PAM: variants seen among roughly 807,000 people sequenced by gnomAD.
The protein encoded by PAM is peptidyl-glycine alpha-amidating monooxygenase.
PAM carries 72 observed loss-of-function variants against 122.1 expected under a neutral mutation model. The observed-to-expected ratio is 0.59, with a 90% CI of 0.49 to 0.72. The LOEUF (loss-of-function observed/expected upper bound fraction) is 0.72, where lower values mean the gene tolerates loss of function less well. Ranked by LOEUF, PAM falls within the 30% of genes least tolerant of loss-of-function variation. PAM has a pLI of 0.00. For missense variants in PAM, 1,106 were observed against 1,183.7 expected (o/e 0.93, Z 0.96); for synonymous variants, 389 against 404.4 (o/e 0.96, Z 0.46).
At chr5:102,815,659 G>A (rs1168707009) in intron 1 of PAM, among the ~76,000 whole-genome samples, 1 of 152,112 alleles carries the variant, frequency 6.6e-6, no homozygotes. Context: ...TAAAGAGGAA[G>A]TTGTTCTTAT....
chr5:102,809,093 C>A (rs181436351), intron 1 of PAM, among the ~76,000 whole-genome samples: 6 of 152,300 alleles, frequency 3.9e-5, no homozygotes, highest in African/African-American at 1.4e-4. Context: ...TAATGAGACA[C>A]ATGACCGGTT....
At chr5:102,997,622 A>T (rs1269108511) in intron 16 of PAM, among the ~76,000 whole-genome samples, 4 of 152,072 alleles carry the variant, frequency 2.6e-5, no homozygotes, top group Admixed American at 6.6e-5. Context: ...TTCATTTGCT[A>T]TGTCAAAATT....
chr5:102,988,987 G>C (rs1582615312), intron 15 of PAM, among the ~76,000 whole-genome samples: 1 of 152,108 alleles, frequency 6.6e-6, no homozygotes, highest in African/African-American at 2.4e-5. Context: ...GTCCGTCTTT[G>C]AGGATTTCAC....
chr5:102,929,105 T>C (rs1203141106), intron 7 of PAM, among the ~76,000 whole-genome samples: 1 of 152,150 alleles, frequency 6.6e-6, no homozygotes, highest in Admixed American at 6.5e-5. Flanking sequence ...TCCTTTAAAA[T>C]GTTATAACAT....
At chr5:102,764,414 G>T (rs1753281411) in intron 1 of PAM, among the ~76,000 whole-genome samples, 1 of 152,086 alleles carries the variant, frequency 6.6e-6, no homozygotes, top group South Asian at 2.1e-4. Context: ...TCTTGAAGAG[G>T]TAGCATTTGA....
intron 1 of PAM, among the ~76,000 whole-genome samples, chr5:102,810,946 G>A (rs1275589994): frequency 1.3e-5 from 2 of 152,238 alleles, no homozygotes; most frequent in South Asian, 4.1e-4. Context: ...AGCTTGGGTT[G>A]TGAGGGACTG....
At chr5:102,870,469 G>T (rs1581156330) in intron 3 of PAM, among the ~76,000 whole-genome samples, 1 of 152,102 alleles carries the variant, frequency 6.6e-6, no homozygotes, top group African/African-American at 2.4e-5. Context: ...GTCATGTCAG[G>T]CCTCTGAGTT....
chr5:102,786,065 A>G (rs1760442977), intron 1 of PAM, among the ~76,000 whole-genome samples: 2 of 152,222 alleles, frequency 1.3e-5, no homozygotes, highest in African/African-American at 4.8e-5. Flanking sequence ...CAAAGTTTGC[A>G]TTTTGTAAAT....
chr5:102,815,221 G>A (rs1214034539), intron 1 of PAM, among the ~76,000 whole-genome samples: 1 of 152,054 alleles, frequency 6.6e-6, no homozygotes, highest in Non-Finnish European at 1.5e-5. Flanking sequence ...AAAGGAGATA[G>A]TGGGCAGAAG....
At chr5:102,855,072 GT>G (rs1328450365) in intron 1 of PAM, among the ~76,000 whole-genome samples, 2 of 151,950 alleles carry the variant, frequency 1.3e-5, no homozygotes, top group African/African-American at 4.8e-5. Flanking sequence ...ACATTAAAAT[GT>G]TTTTTTAAGC....
chr5:103,000,167 C>T (rs891346235), intron 16 of PAM, among the ~76,000 whole-genome samples: 3 of 152,206 alleles, frequency 2.0e-5, no homozygotes, highest in Non-Finnish European at 4.4e-5. Flanking sequence ...GAATGCTTTG[C>T]TGCTTAGACA....
chr5:102,959,907 A>G lies in PAM; in HGVS notation c.938A>G (p.Tyr313Cys). Residue 313 changes from tyrosine to cysteine, a missense_variant, in exon 13 of 26, where the codon TAC (tyrosine) becomes TGC (cysteine). Tyr to Cys is a radical substitution (Grantham distance 194). Coordinates refer to ENST00000438793, the MANE Select transcript of PAM (RefSeq NM_001177306.2). ...TCTAGTGATGAAATGTGCAACTTAT[A>G]CATTATGTATTACATGGAAGCCAAG... is the stretch of plus-strand genomic sequence containing the variant. ...GTSSDEMCNL[Y>C]IMYYMEAKHA... 1 of 1,612,506 alleles carries G rather than the reference A, an allele frequency of 6.2e-7. No individual in the cohort carries two copies. Among genetic ancestry groups the G allele is most frequent in the African/African-American group, 1.3e-5 (1 of 74,950 alleles).
At chr5:103,000,756 A>T (rs1166571498) in intron 16 of PAM, among the ~76,000 whole-genome samples, 2 of 152,114 alleles carry the variant, frequency 1.3e-5, no homozygotes, top group African/African-American at 4.8e-5. Flanking sequence ...AAGGGGGAAA[A>T]GCTCCTTATA....
chr5:102,899,843 C>T (rs1797188397), intron 3 of PAM, among the ~76,000 whole-genome samples: 1 of 151,602 alleles, frequency 6.6e-6, no homozygotes, highest in African/African-American at 2.4e-5. Flanking sequence ...GGGAAAGGCA[C>T]TGAAGGATGT....
chr5:102,888,062 A>G (rs1271693242), intron 3 of PAM, among the ~76,000 whole-genome samples: 1 of 152,040 alleles, frequency 6.6e-6, no homozygotes, highest in African/African-American at 2.4e-5. Flanking sequence ...ATTCATGCCT[A>G]TATTTCTTCA....
intron 3 of PAM, among the ~76,000 whole-genome samples, chr5:102,881,155 C>CACACACACACACACACAG (rs1046039847): frequency 1.3e-5 from 2 of 151,122 alleles, no homozygotes; most frequent in East Asian, 1.9e-4. Flanking sequence ...CACACACACA[C>CACACACACACACACACAG]AGAGACTTCT....
chr5:102,761,835 A>T (rs969536427), intron 1 of PAM, among the ~76,000 whole-genome samples: 1 of 152,228 alleles, frequency 6.6e-6, no homozygotes, highest in Non-Finnish European at 1.5e-5. Flanking sequence ...GGAGGCTTCT[A>T]TAGTGTTTAA....
rs754930916 is a variant in PAM at position 103,007,439 on chromosome 5, C to CT, written c.2015-10dup. ...GATTTTTAACATTGTGTATCTAAGG[C>CT]TTTTTTTTGTTCTGCAGAGTCTTCA... is the stretch of plus-strand genomic sequence containing the variant. On this transcript the variant is annotated splice_polypyrimidine_tract_variant and intron_variant, in intron 19 of 25. Transcript: ENST00000438793. 4.7e-5 allele frequency: 75 copies of CT among 1,602,932 alleles called. No homozygotes were observed. Among genetic ancestry groups the CT allele is most frequent in the Admixed American group, 1.3e-4 (8 of 59,604 alleles).
At chr5:102,823,442 A>C (rs762721522) in intron 1 of PAM, among the ~76,000 whole-genome samples, 5 of 152,196 alleles carry the variant, frequency 3.3e-5, no homozygotes, top group Non-Finnish European at 7.4e-5. Flanking sequence ...TTCTCCTTAA[A>C]GTATTTCAAA....
Sources: allele counts gnomAD v4.1 joint callset (sites outside exome capture counted in the v4.1 genomes callset), GRCh38; gene constraint gnomAD v4.1.1; transcripts MANE v1.5; gene names NCBI Gene and HGNC (gene_info 2026-07-23, HGNC 2026-07-21).